NR5A2: variants seen among roughly 807,000 people sequenced by gnomAD.
The protein encoded by NR5A2 is CYP7A promoter-binding factor.
In NR5A2, 26 loss-of-function variants were observed where a neutral mutation model predicts 62.7. That is an observed-to-expected ratio of 0.41 (90% CI 0.30 to 0.58). NR5A2 has a LOEUF of 0.58. Among genes scored for constraint, NR5A2 ranks in the 20% least tolerant of loss-of-function variants. NR5A2 has a pLI of 0.22. For synonymous variants in NR5A2, 246 were observed against 241.7 expected, an observed-to-expected ratio of 1.02 and a Z score of -0.16; for missense variants, 541 against 669.1, an observed-to-expected ratio of 0.81 and a Z score of 2.11.
intron 7 of NR5A2, among the ~76,000 whole-genome samples, chr1:200,129,151 G>T (rs148165147): frequency 7.4e-4 from 112 of 152,274 alleles, no homozygotes; most frequent in African/African-American, 2.6e-3. Context: ...CCCAGGCCCA[G>T]TCAGGACCTC....
intron 5 of NR5A2, among the ~76,000 whole-genome samples, chr1:200,066,085 C>T (rs1266863775): frequency 6.6e-6 from 1 of 152,078 alleles, no homozygotes; most frequent in Non-Finnish European, 1.5e-5. Flanking sequence ...AGTAGAAAAA[C>T]TATTGCACTG....
intron 1 of NR5A2, among the ~76,000 whole-genome samples, chr1:200,033,630 C>T (rs1199141919): frequency 6.6e-6 from 1 of 152,218 alleles, no homozygotes; most frequent in African/African-American, 2.4e-5. Flanking sequence ...CTGGAATCAA[C>T]TTCCCAGTTT....
At chr1:200,082,281 T>G (rs1664332007) in intron 5 of NR5A2, among the ~76,000 whole-genome samples, 2 of 152,236 alleles carry the variant, frequency 1.3e-5, no homozygotes, top group African/African-American at 4.8e-5. Context: ...ATGCACTATT[T>G]AAAAGATGAA....
intron 6 of NR5A2, among the ~76,000 whole-genome samples, chr1:200,118,116 A>C (rs1190729120): frequency 2.1e-5 from 3 of 146,110 alleles, no homozygotes; most frequent in African/African-American, 7.6e-5. Flanking sequence ...TCCTGGGTTC[A>C]AGCGATTCTC....
intron 5 of NR5A2, among the ~76,000 whole-genome samples, chr1:200,110,054 TGTGCCTAGCCAATAA>T (rs1379676954): frequency 1.3e-5 from 2 of 152,204 alleles, no homozygotes; most frequent in Admixed American, 1.3e-4. Context: ...CATGAGCCAT[TGTGCCTAGCCAATAA>T]GTCTTTAGAC....
chr1:200,127,987 T>C (rs908930357), intron 7 of NR5A2, among the ~76,000 whole-genome samples: 11 of 152,000 alleles, frequency 7.2e-5, no homozygotes, highest in African/African-American at 2.7e-4. Context: ...AAGCAATATC[T>C]ATTGGTAGAA....
At chr1:200,106,127 G>A (rs1665654800) in intron 5 of NR5A2, among the ~76,000 whole-genome samples, 1 of 150,514 alleles carries the variant, frequency 6.6e-6, no homozygotes, top group Non-Finnish European at 1.5e-5. Context: ...GTGCCATCTC[G>A]GCTCATTGCA....
At chr1:200,041,627 T>C (rs1007265762) in intron 2 of NR5A2, among the ~76,000 whole-genome samples, 5 of 152,188 alleles carry the variant, frequency 3.3e-5, no homozygotes, top group Non-Finnish European at 5.9e-5. Context: ...TCCGTTCTTC[T>C]TTCCCTAGAC....
At chr1:200,087,972 A>T (rs889780001) in intron 5 of NR5A2, among the ~76,000 whole-genome samples, 1 of 152,116 alleles carries the variant, frequency 6.6e-6, no homozygotes, top group African/African-American at 2.4e-5. Flanking sequence ...GCCAGTCTTG[A>T]ACTCCTGATC....
intron 5 of NR5A2, among the ~76,000 whole-genome samples, chr1:200,051,572 A>C (rs996092204): frequency 4.6e-5 from 7 of 152,236 alleles, no homozygotes; most frequent in Non-Finnish European, 7.3e-5. Context: ...GTCGTCTACA[A>C]GGGGTGGGAG....
intron 1 of NR5A2, among the ~76,000 whole-genome samples, chr1:200,038,163 C>T (rs1038903533): frequency 5.9e-5 from 9 of 152,184 alleles, no homozygotes; most frequent in Admixed American, 5.9e-4. Context: ...GAAGAGCTTG[C>T]GTAACAGATG....
intron 5 of NR5A2, among the ~76,000 whole-genome samples, chr1:200,108,645 C>T (rs73067223): frequency 0.022 from 3,323 of 152,210 alleles, 113 homozygotes; most frequent in African/African-American, 0.07. Context: ...TTTTGGGCTT[C>T]CCTGAAATAA....
At chr1:200,080,748 A>T (rs1266267041) in intron 5 of NR5A2, among the ~76,000 whole-genome samples, 2 of 152,230 alleles carry the variant, frequency 1.3e-5, no homozygotes, top group Non-Finnish European at 2.9e-5. Flanking sequence ...TTTAACTACA[A>T]GAAGTTAATA....
chr1:200,147,924 C>T lies in NR5A2; in HGVS notation c.1379-26039C>T, dbSNP rs1667789601. ...AGAAGCTGCGGGCTGTGATGTGGTG[C>T]AGCGCTTCGCCGGTGTTGGTGTTGC... On this transcript the variant is annotated intron_variant, in intron 7 of 7. Coordinates refer to ENST00000367362, the MANE Select transcript of NR5A2 (RefSeq NM_205860.3). This position sits in a 1 kb window ranked among gnomAD's most constrained non-coding sequence, Gnocchi z 4.9. 1 of 376,646 alleles carries T rather than the reference C, an allele frequency of 2.7e-6. No individual in the cohort carries two copies. Among genetic ancestry groups the T allele is most frequent in the Non-Finnish European group, 4.9e-6 (1 of 202,552 alleles). The allele number at this position is 376,646 out of a possible 1,614,324, so 23.3% of individuals were successfully genotyped here.
chr1:200,167,620 T>C lies in NR5A2; in HGVS notation c.1379-6343T>C, dbSNP rs187692108. Among the ~76,000 whole-genome samples the C allele has an allele frequency of 6.6e-5, 10 of 152,316 alleles. No individual in the cohort carries two copies. The East Asian group carries it at 1.9e-3, about 29-fold the overall frequency. On this transcript the variant is annotated intron_variant, in intron 7 of 7. Coordinates refer to ENST00000367362, the MANE Select transcript of NR5A2 (RefSeq NM_205860.3). Reference sequence around the variant, plus strand: ...TTCCCTCTTTCCTAAAACCATTCAGTGTTTCTGCCTTGCTTTTGGAACAAA... The same window carrying C: ...TTCCCTCTTTCCTAAAACCATTCAGCGTTTCTGCCTTGCTTTTGGAACAAA...
At chr1:200,051,280 T>A (rs1662618450) in intron 5 of NR5A2, among the ~76,000 whole-genome samples, 1 of 129,472 alleles carries the variant, frequency 7.7e-6, no homozygotes, top group Non-Finnish European at 1.6e-5. Context: ...ATTATTTTCA[T>A]GTAAAAAAGG....
chr1:200,095,383 A>T (rs1665039174), intron 5 of NR5A2, among the ~76,000 whole-genome samples: 1 of 152,306 alleles, frequency 6.6e-6, no homozygotes, highest in Non-Finnish European at 1.5e-5. Flanking sequence ...CTTCAGATAA[A>T]GTGGCATGAG....
intron 1 of NR5A2, chr1:200,038,821 T>C (rs1025768191): frequency 8.5e-7 from 1 of 1,174,204 alleles, no homozygotes; most frequent in Admixed American, 2.5e-5. Flanking sequence ...CAGGGTGGGG[T>C]GGGAGGGGGT....
intron 5 of NR5A2, among the ~76,000 whole-genome samples, chr1:200,077,196 A>G (rs1664081845): frequency 6.6e-6 from 1 of 152,216 alleles, no homozygotes; most frequent in Non-Finnish European, 1.5e-5. Flanking sequence ...AAACATATGT[A>G]TTTCTCATAA....
Sources: allele counts gnomAD v4.1 joint callset (sites outside exome capture counted in the v4.1 genomes callset), GRCh38; gene constraint gnomAD v4.1.1; non-coding constraint Gnocchi (gnomAD v3.1); transcripts MANE v1.5; gene names NCBI Gene and HGNC (gene_info 2026-07-23, HGNC 2026-07-21).